GALNT13: variants seen among roughly 807,000 people sequenced by gnomAD.
GALNT13 encodes UDP-GalNAc:polypeptide N-acetylgalactosaminyltransferase 13.
GALNT13 carries 28 observed loss-of-function variants against 64.2 expected under a neutral mutation model. The ratio of observed to expected loss-of-function variants is 0.44; its 90% CI spans 0.32 to 0.60. The LOEUF is 0.60. Among genes scored for constraint, GALNT13 ranks in the 20% least tolerant of loss-of-function variants. The probability of loss-of-function intolerance (pLI) is 0.05; values close to 1 mark genes in which losing one functional copy is unlikely to be tolerated. For missense variants in GALNT13, 577 were observed against 669.8 expected, an observed-to-expected ratio of 0.86 and a Z score of 1.53; for synonymous variants, 214 against 224.6, an observed-to-expected ratio of 0.95 and a Z score of 0.42.
At chr2:153,932,730 C>T (rs113976622) in intron 2 of GALNT13, among the ~76,000 whole-genome samples, 8,369 of 149,450 alleles carry the variant, frequency 0.056, 340 homozygotes, top group South Asian at 0.13. Flanking sequence ...TGGGTTCAAG[C>T]GATTCTCCTG....
the GALNT13 span, among the ~76,000 whole-genome samples, chr2:153,733,322 A>G: frequency 6.6e-6 from 1 of 152,098 alleles, no homozygotes; most frequent in Non-Finnish European, 1.5e-5. Flanking sequence ...AAATTAAGCT[A>G]CTGAAGTTAG....
chr2:153,155,142 A>G, the GALNT13 span, among the ~76,000 whole-genome samples: 5 of 152,278 alleles, frequency 3.3e-5, no homozygotes, highest in Admixed American at 3.3e-4. Context: ...TATTTTGTTG[A>G]AGAGTTTTGC....
chr2:153,734,364 A>G, the GALNT13 span, among the ~76,000 whole-genome samples: 3 of 152,158 alleles, frequency 2.0e-5, no homozygotes, highest in African/African-American at 7.2e-5. Flanking sequence ...AGTCACCTGA[A>G]TTGTAATTGT....
Position 154,118,576 on chromosome 2 carries a change from GT to G in GALNT13, c.143-21751del, listed in dbSNP as rs79380491. Among the ~76,000 whole-genome samples, 682 of 147,052 alleles carry G rather than the reference GT, an allele frequency of 4.6e-3. 12 individuals are homozygous for G. The highest frequency in any genetic ancestry group is 0.016 in the East Asian group (79 of 5,032). ...ACTTTGTTTTCTGATTGTTTTGTAG[GT>G]TTTTTTTTTCTTTCTCTCTTGCAGT... is the stretch of plus-strand genomic sequence containing the variant. On this transcript the variant is annotated intron_variant, in intron 3 of 12. Coordinates refer to ENST00000392825, the MANE Select transcript of GALNT13 (RefSeq NM_052917.4).
the GALNT13 span, among the ~76,000 whole-genome samples, chr2:153,770,178 A>T: frequency 4.3e-5 from 1 of 23,122 alleles, no homozygotes; most frequent in Non-Finnish European, 9.3e-5. Flanking sequence ...CCGCCCCCCC[A>T]CACCCCGGCT....
At chr2:153,094,278 A>G in the GALNT13 span, among the ~76,000 whole-genome samples, 1 of 151,926 alleles carries the variant, frequency 6.6e-6, no homozygotes, top group Non-Finnish European at 1.5e-5. Flanking sequence ...TTCCCTCTGT[A>G]TACTGCGTTT....
At chr2:153,686,779 G>C in the GALNT13 span, among the ~76,000 whole-genome samples, 2 of 152,026 alleles carry the variant, frequency 1.3e-5, no homozygotes, top group African/African-American at 4.8e-5. Context: ...CTGCGAGTTT[G>C]TCATATATGG....
chr2:153,881,515 A>G (rs1405918309), intron 1 of GALNT13, among the ~76,000 whole-genome samples: 1 of 152,156 alleles, frequency 6.6e-6, no homozygotes, highest in Non-Finnish European at 1.5e-5. Context: ...AGCTGAATTA[A>G]CACATTGAAT....
At chr2:154,172,448 C>T (rs1381246477) in intron 4 of GALNT13, among the ~76,000 whole-genome samples, 3 of 151,924 alleles carry the variant, frequency 2.0e-5, no homozygotes, top group East Asian at 3.9e-4. Context: ...TCCTCCCTCC[C>T]CACTACCCTT....
chr2:153,084,175 C>T, the GALNT13 span, among the ~76,000 whole-genome samples: 1 of 152,108 alleles, frequency 6.6e-6, no homozygotes. Context: ...TAATGTGATA[C>T]CTCCGGACTT....
At chr2:153,406,137 C>CA in the GALNT13 span, among the ~76,000 whole-genome samples, 2 of 152,162 alleles carry the variant, frequency 1.3e-5, no homozygotes, top group East Asian at 3.9e-4. Flanking sequence ...CAGAGGAACA[C>CA]AAAAAAATTT....
chr2:153,395,358 T>C, the GALNT13 span, among the ~76,000 whole-genome samples: 1 of 152,092 alleles, frequency 6.6e-6, no homozygotes, highest in African/African-American at 2.4e-5. Context: ...ACAGAATAGA[T>C]AGGGGAAGTT....
chr2:154,388,962 T>C (rs1242088964), intron 9 of GALNT13, among the ~76,000 whole-genome samples: 3 of 152,196 alleles, frequency 2.0e-5, no homozygotes, highest in Admixed American at 1.3e-4. Flanking sequence ...TCTCAATTTT[T>C]TATTATTTCA....
chr2:153,419,614 T>C, the GALNT13 span, among the ~76,000 whole-genome samples: 2 of 152,182 alleles, frequency 1.3e-5, no homozygotes, highest in Non-Finnish European at 2.9e-5. Flanking sequence ...ACTATTGTTA[T>C]AGTTACACAA....
At chr2:153,202,643 T>C in the GALNT13 span, among the ~76,000 whole-genome samples, 1 of 152,152 alleles carries the variant, frequency 6.6e-6, no homozygotes, top group Non-Finnish European at 1.5e-5. Flanking sequence ...TATGTAACTA[T>C]AGTGTTTCAT....
chr2:153,468,517 C>G, the GALNT13 span, among the ~76,000 whole-genome samples: 1 of 152,022 alleles, frequency 6.6e-6, no homozygotes, highest in African/African-American at 2.4e-5. Context: ...GTAAACGAAT[C>G]TTTCATCACA....
At chr2:154,264,924 A>G (rs1030465572) in intron 8 of GALNT13, among the ~76,000 whole-genome samples, 1 of 151,356 alleles carries the variant, frequency 6.6e-6, no homozygotes, top group Non-Finnish European at 1.5e-5. Context: ...TAAATGAAAT[A>G]TAAAAGGAAT....
chr2:153,137,781 C>A, the GALNT13 span, among the ~76,000 whole-genome samples: 1 of 150,758 alleles, frequency 6.6e-6, no homozygotes, highest in Non-Finnish European at 1.5e-5. Flanking sequence ...TCTAGGGTAA[C>A]CAACCATCTG....
chr2:154,432,441 A>G lies in GALNT13; in HGVS notation c.1396-6151A>G, dbSNP rs145111462. On this transcript the variant is annotated intron_variant, in intron 11 of 12. Transcript: ENST00000392825. ...GACACTTCAACCAGCATGAGGAGGAAAAGGAGGTATGTTGGTTTGCTGGAG... is the reference window on the plus strand; with the variant it reads ...GACACTTCAACCAGCATGAGGAGGAGAAGGAGGTATGTTGGTTTGCTGGAG... Among the ~76,000 whole-genome samples, 19 of 152,290 alleles carry G rather than the reference A, an allele frequency of 1.2e-4. No individual in the cohort carries two copies. The East Asian group carries it at 3.7e-3, about 29-fold the overall frequency.
Sources: allele counts gnomAD v4.1 joint callset (sites outside exome capture counted in the v4.1 genomes callset), GRCh38; gene constraint gnomAD v4.1.1; transcripts MANE v1.5; gene names NCBI Gene and HGNC (gene_info 2026-07-23, HGNC 2026-07-21).